The following TRANK1 variants were observed in gnomAD, a reference collection of about 807,000 sequenced individuals.
TRANK1 encodes the protein tetratricopeptide repeat and ankyrin repeat containing 1.
TRANK1 carries 198 observed loss-of-function variants against 266.0 expected under a neutral mutation model. The ratio of observed to expected loss-of-function variants is 0.74; its 90% CI spans 0.66 to 0.84. TRANK1 has a LOEUF of 0.84. TRANK1 is among the 40% of genes least tolerant of loss of function. The pLI is 0.00. For synonymous variants in TRANK1, 1,396 were observed against 1,384.1 expected (o/e 1.01, Z -0.19); for missense variants, 3,326 against 3,634.6 (o/e 0.92, Z 2.18).
intron 18 of TRANK1, among the ~76,000 whole-genome samples, chr3:36,841,821 T>C (rs977965972): frequency 5.9e-5 from 9 of 151,672 alleles, no homozygotes; most frequent in African/African-American, 7.3e-5. Flanking sequence ...AGGGAAGAGA[T>C]GGAATGAGAC....
rs577059567 is a variant in TRANK1, at chr3:36,903,075, T to C, written c.282+74A>G. On this transcript the variant is annotated intron_variant, in intron 3 of 23. Transcript: ENST00000645898. Reference sequence around the variant, plus strand: ...TGCCACTGCCCCACACTTTCTCTCATCCTTTCATACCTTCATCCACCACCC... The same window carrying C: ...TGCCACTGCCCCACACTTTCTCTCACCCTTTCATACCTTCATCCACCACCC... 19 of 1,477,940 alleles carry C rather than the reference T, an allele frequency of 1.3e-5. No homozygotes were observed. The African/African-American group carries it at 2.1e-4, about 16-fold the overall frequency. 91.6% of individuals were successfully genotyped at this position (1,477,940 alleles called of 1,614,324 possible).
At chr3:36,921,727 C>T (rs543582451) in intron 1 of TRANK1, among the ~76,000 whole-genome samples, 43 of 152,316 alleles carry the variant, frequency 2.8e-4, no homozygotes, top group African/African-American at 8.2e-4. Flanking sequence ...AAGTATGTGG[C>T]TCTATAATGG....
chr3:36,914,630 T>C (rs1575310275), intron 1 of TRANK1, among the ~76,000 whole-genome samples: 2 of 151,744 alleles, frequency 1.3e-5, no homozygotes, highest in East Asian at 3.9e-4. Context: ...TTCTAGATTA[T>C]TTATTTATTT....
At position 36,910,521 on chromosome 3, in the gene TRANK1, C is replaced by T. The variant is rs556989181; in HGVS notation, c.24-2067G>A. On this transcript the variant is annotated intron_variant, in intron 1 of 23. Transcript: ENST00000645898. Reference sequence around the variant, plus strand: ...TTGGGAGGCTGAGGCGGGCAGACCACCTGAGGTCAGGAGTTCGAGTCCAGC... The same window carrying T: ...TTGGGAGGCTGAGGCGGGCAGACCATCTGAGGTCAGGAGTTCGAGTCCAGC... 9.9e-5 allele frequency among the ~76,000 whole-genome samples: 15 copies of T among 152,152 alleles called. No homozygotes were observed. The South Asian group carries it at 3.1e-3, about 32-fold the overall frequency.
chr3:36,867,149 C>A (rs1327522430), intron 9 of TRANK1, among the ~76,000 whole-genome samples: 2 of 151,936 alleles, frequency 1.3e-5, no homozygotes, highest in African/African-American at 4.8e-5. Context: ...CCATCTTCAT[C>A]CTAAAATACC....
chr3:36,924,730 G>T (rs1399285309), intron 1 of TRANK1, among the ~76,000 whole-genome samples: 1 of 152,070 alleles, frequency 6.6e-6, no homozygotes, highest in African/African-American at 2.4e-5. Flanking sequence ...ACTGCCACCG[G>T]TGCGAAAGGC....
At chr3:36,917,036 G>A (rs1483208614) in intron 1 of TRANK1, among the ~76,000 whole-genome samples, 4 of 151,920 alleles carry the variant, frequency 2.6e-5, no homozygotes, top group Non-Finnish European at 5.9e-5. Context: ...GGCTGGTCTC[G>A]AACTCCTGAC....
intron 3 of TRANK1, 34 bp from the exon 4 acceptor site, chr3:36,899,293 C>A: frequency 6.5e-7 from 1 of 1,530,116 alleles, no homozygotes; most frequent in Non-Finnish European, 8.7e-7. Context: ...CTGTCATGTA[C>A]CACATCTCCT....
Position 36,858,786 on chromosome 3 carries a change from C to T in TRANK1, c.1604G>A (p.Arg535His), listed in dbSNP as rs1465895247. 1.9e-5 allele frequency: 29 copies of T among 1,537,156 alleles called. No homozygotes were observed. Among genetic ancestry groups the T allele is most frequent in the Non-Finnish European group, 2.4e-5 (27 of 1,146,856 alleles). ...FLLLTKGADPRAISLTEGDTP... is the reference protein window; with the variant it reads ...FLLLTKGADPHAISLTEGDTP... The stretch of plus-strand genomic sequence containing the variant: ...ATCACCTTCCGTGAGAGAAATAGCA[C>T]GGGGGTCTGCGCCCTTGGTCAAGAG... Residue 535 changes from arginine to histidine, a missense_variant, in exon 12 of 24, where the codon CGT becomes CAT. Transcript: ENST00000645898.
intron 1 of TRANK1, among the ~76,000 whole-genome samples, chr3:36,925,320 G>A (rs1048379282): frequency 6.6e-6 from 1 of 152,134 alleles, no homozygotes; most frequent in Middle Eastern, 3.2e-3. Context: ...AAAAGTCAGA[G>A]CTCAAATGGT....
intron 1 of TRANK1, among the ~76,000 whole-genome samples, chr3:36,937,885 T>C (rs756556399): frequency 4.5e-4 from 68 of 152,354 alleles, no homozygotes; most frequent in Non-Finnish European, 8.5e-4. Flanking sequence ...AAAGGAGAAC[T>C]TGGGCTTTGA....
chr3:36,920,547 A>G (rs1355689926), intron 1 of TRANK1, among the ~76,000 whole-genome samples: 1 of 152,222 alleles, frequency 6.6e-6, no homozygotes, highest in Non-Finnish European at 1.5e-5. Context: ...GTGTTTTATC[A>G]TCATTCTGGA....
In TRANK1 at chr3:36,855,228, A is replaced by T; in HGVS notation, c.4494T>A (p.Ala1498=). The T allele has an allele frequency of 1.2e-6, 2 of 1,614,038 alleles. No homozygotes were observed. Among genetic ancestry groups the T allele is most frequent in the African/African-American group, 1.3e-5 (1 of 75,076 alleles). ...GGTGGATCTTCTTGGGCTTCCGGAC[A>T]GCACACTGCTTGTCTATGGTGTTTC... ...ASRNTIDKQC[A]VRKPKKIHQL... Residue 1498 remains alanine, a synonymous_variant, in exon 13 of 24, where the codon GCT becomes GCA. Transcript: ENST00000645898.
intron 16 of TRANK1, among the ~76,000 whole-genome samples, chr3:36,846,907 T>C (rs899131974): frequency 2.0e-5 from 3 of 152,182 alleles, no homozygotes; most frequent in African/African-American, 7.2e-5. Context: ...CAAACCTACC[T>C]TATGATTGCA....
intron 11 of TRANK1, among the ~76,000 whole-genome samples, chr3:36,859,354 T>C (rs1462919931): frequency 6.6e-6 from 1 of 151,932 alleles, no homozygotes; most frequent in African/African-American, 2.4e-5. Flanking sequence ...CGTGTCATGG[T>C]GGTTTGCTGC....
At chr3:36,851,943 T>C in intron 14 of TRANK1, 87 bp from the exon 15 acceptor site, 1 of 1,469,668 alleles carries the variant, frequency 6.8e-7, no homozygotes. Context: ...GTAATGTTTT[T>C]AAAGAGAAAT....
chr3:36,831,453 A>G lies in TRANK1; in HGVS notation c.8130T>C (p.Leu2710=), dbSNP rs759869855. Residue 2710 remains leucine, a synonymous_variant, in exon 22 of 24, where the codon CTT becomes CTC. Coordinates refer to ENST00000645898, the MANE Select transcript of TRANK1 (RefSeq NM_001329998.2). The surrounding 1 kb of genome is among the most constrained non-coding windows in gnomAD (Gnocchi z 5.0). Reference sequence around the variant, plus strand: ...TGGAGGCCTTCCGTTGCTTTTGGGAAAGAATGGTGGCCAGGACGTGGTCTC... The same window carrying G: ...TGGAGGCCTTCCGTTGCTTTTGGGAGAGAATGGTGGCCAGGACGTGGTCTC... ...EDRDHVLATI[L]SQKQRKASIQ... is the part of the protein sequence containing the mutation. 3 of 1,612,994 alleles carry G rather than the reference A, an allele frequency of 1.9e-6. No homozygotes were observed. Among genetic ancestry groups the G allele is most frequent in the Admixed American group, 1.7e-5 (1 of 59,880 alleles).
chr3:36,874,037 T>C, intron 9 of TRANK1, 89 bp downstream of exon 9: 2 of 1,216,760 alleles, frequency 1.6e-6, no homozygotes, highest in Admixed American at 2.6e-5. Context: ...TGTATATATA[T>C]ATATACCAAA....
At chr3:36,918,715 A>G (rs2080174064) in intron 1 of TRANK1, among the ~76,000 whole-genome samples, 1 of 151,930 alleles carries the variant, frequency 6.6e-6, no homozygotes, top group Non-Finnish European at 1.5e-5. Context: ...TATGTTCTGG[A>G]CTTGTATTTC....
Sources: gnomAD v4.1 joint callset for allele counts (sites outside exome capture counted in the v4.1 genomes callset) on GRCh38, gnomAD v4.1.1 for gene constraint, Gnocchi (gnomAD v3.1) non-coding constraint, MANE v1.5 for transcripts, NCBI Gene and HGNC (gene_info 2026-07-23, HGNC 2026-07-21) for gene names.